The following FRYL variants were observed in gnomAD, a reference collection of about 807,000 sequenced individuals.
FRYL encodes FRY like transcription coactivator, also known as protein furry homolog-like.
A neutral mutation model predicts 351.2 loss-of-function variants in FRYL; 150 were observed. The observed-to-expected ratio is 0.43, with a 90% confidence interval of 0.37 to 0.49. The LOEUF is 0.49. Among genes scored for constraint, FRYL ranks in the 20% least tolerant of loss-of-function variants. The probability of loss-of-function intolerance (pLI) is 0.00; values close to 1 mark genes in which losing one functional copy is unlikely to be tolerated. For synonymous variants in FRYL, 1,153 were observed against 1,257.1 expected (o/e 0.92, Z 1.75); for missense variants, 3,036 against 3,619.3 (o/e 0.84, Z 4.13).
intron 3 of FRYL, among the ~76,000 whole-genome samples, chr4:48,663,751 G>A (rs1761237003): frequency 8.0e-6 from 1 of 124,660 alleles, no homozygotes; most frequent in Non-Finnish European, 1.6e-5. Flanking sequence ...CTGCAGCCTG[G>A]GCGACAGAGC....
At chr4:48,761,814 C>T (rs1774449391) in intron 1 of FRYL, among the ~76,000 whole-genome samples, 1 of 152,164 alleles carries the variant, frequency 6.6e-6, no homozygotes. Flanking sequence ...AGATGTGTAG[C>T]AGGCTGTACC....
Position 48,527,702 on chromosome 4 carries a change from A to C in FRYL, c.7141-49T>G, listed in dbSNP as rs114677188. On this transcript the variant is annotated intron_variant, in intron 52 of 63. Coordinates refer to ENST00000358350, the MANE Select transcript of FRYL (RefSeq NM_015030.2). ...AAAAAGTCCATCCATCAGATTTGTCACTCTGCGTATGAGGTATCAGTACCC... is the reference window on the plus strand; with the variant it reads ...AAAAAGTCCATCCATCAGATTTGTCCCTCTGCGTATGAGGTATCAGTACCC... 1,338 of 1,553,672 alleles carry C rather than the reference A, an allele frequency of 8.6e-4. 8 individuals are homozygous for C. The African/African-American group carries it at 0.016, about 19-fold the overall frequency.
Position 48,582,497 on chromosome 4 carries a change from C to T in FRYL, c.1986G>A (p.Gln662=). ...AGGACAATAGAAAAGAATCTGGTAC[C>T]TGAGTGTCCTGGTTTTTATTATGCA... The part of the protein sequence containing the change: ...AQMHNKNQDT[Q]HGVANGASHP... Residue 662 remains glutamine, a splice_region_variant and synonymous_variant, in exon 20 of 64, where the codon CAG becomes CAA. Transcript: ENST00000358350. The T allele has an allele frequency of 6.3e-7, 1 of 1,591,444 alleles. No individual in the cohort carries two copies.
intron 1 of FRYL, among the ~76,000 whole-genome samples, chr4:48,745,317 A>G (rs1008508240): frequency 1.2e-4 from 18 of 152,204 alleles, no homozygotes; most frequent in Admixed American, 2.6e-4. Context: ...TGTTTATTGC[A>G]GCACTATTCA....
At chr4:48,738,798 C>T (rs1268510224) in intron 1 of FRYL, among the ~76,000 whole-genome samples, 3 of 151,620 alleles carry the variant, frequency 2.0e-5, no homozygotes, top group Non-Finnish European at 4.4e-5. Context: ...GAGCCACCGC[C>T]CCCAGACAGG....
intron 1 of FRYL, among the ~76,000 whole-genome samples, chr4:48,778,626 T>C (rs551538388): frequency 6.6e-6 from 1 of 152,342 alleles, no homozygotes; most frequent in South Asian, 2.1e-4. Flanking sequence ...CTATCTCTGA[T>C]TTCCTCGGCA....
Position 48,499,334 on chromosome 4 carries a change from T to C in FRYL, c.*88A>G. 2 of 1,122,652 alleles carry C rather than the reference T, an allele frequency of 1.8e-6. No individual in the cohort carries two copies. The highest frequency in any genetic ancestry group is 1.6e-5 in the African/African-American group (1 of 64,212). The allele number at this position is 1,122,652 out of a possible 1,614,324, so 69.5% of individuals were successfully genotyped here. ...AAAAGTAGATGCTGCCAGAAAGTTA[T>C]CAGTGAATGCAAGGGTCCATAAAAG... On this transcript the variant is annotated 3_prime_UTR_variant, in exon 64 of 64. Transcript: ENST00000358350.
rs1408012163 is a variant in FRYL at position 48,500,900 on chromosome 4, A to G, written c.8593-680T>C. Among the ~76,000 whole-genome samples, 6 of 152,102 alleles carry G rather than the reference A, an allele frequency of 3.9e-5. No homozygotes were observed. In the South Asian group the frequency reaches 8.3e-4, roughly 21 times the overall value. ...GGAGTTTGAGACCAGCCTGGCCAACATGGTGAAACCCCGTCTCTACTAAAA... is the reference window on the plus strand; with the variant it reads ...GGAGTTTGAGACCAGCCTGGCCAACGTGGTGAAACCCCGTCTCTACTAAAA... On this transcript the variant is annotated intron_variant, in intron 62 of 63. Coordinates refer to ENST00000358350, the MANE Select transcript of FRYL (RefSeq NM_015030.2).
intron 3 of FRYL, among the ~76,000 whole-genome samples, chr4:48,671,891 A>AAAAAAAAAG (rs1762817692): frequency 7.0e-6 from 1 of 142,538 alleles, no homozygotes; most frequent in African/African-American, 2.6e-5. Flanking sequence ...AAAAAAAAAA[A>AAAAAAAAAG]GAAGGAAAGA....
At chr4:48,654,955 G>A (rs1758513535) in intron 3 of FRYL, among the ~76,000 whole-genome samples, 1 of 152,074 alleles carries the variant, frequency 6.6e-6, no homozygotes, top group Non-Finnish European at 1.5e-5. Context: ...TCCATATGTA[G>A]CAATACATTT....
At chr4:48,595,557 A>G in intron 15 of FRYL, 33 bp downstream of exon 15, 1 of 1,244,658 alleles carries the variant, frequency 8.0e-7, no homozygotes, top group Non-Finnish European at 1.1e-6. Context: ...CTAACAATTT[A>G]TATACATACA....
intron 2 of FRYL, among the ~76,000 whole-genome samples, chr4:48,700,601 A>G (rs1032080852): frequency 1.6e-4 from 24 of 152,146 alleles, no homozygotes; most frequent in African/African-American, 5.1e-4. Context: ...CAGGAGTTCA[A>G]GACCAGCCTG....
rs576530125 is a variant in FRYL, at chr4:48,631,991, T to C, written c.120+2300A>G. ...TTGCCTGAACCTGGGAGGTGAAGGT[T>C]GCAGTGAGCCAAAATTGCGCCACTG... On this transcript the variant is annotated intron_variant, in intron 4 of 63. Transcript: ENST00000358350. 5.1e-3 allele frequency among the ~76,000 whole-genome samples: 664 copies of C among 130,012 alleles called. 3 individuals are homozygous for C. Among genetic ancestry groups the C allele is most frequent in the South Asian group, 8.5e-3 (32 of 3,752 alleles). The allele number at this position is 130,012 out of a possible 152,430, so 85.3% of individuals were successfully genotyped here. A position where few individuals can be genotyped will look rare whatever the true frequency, so the allele number is the denominator to read the frequency against.
intron 13 of FRYL, among the ~76,000 whole-genome samples, chr4:48,601,609 T>A (rs1216983656): frequency 6.6e-6 from 1 of 152,188 alleles, no homozygotes; most frequent in Non-Finnish European, 1.5e-5. Flanking sequence ...TAAATGTGAT[T>A]TTAGTGATAT....
chr4:48,592,285 C>G (rs1196738990), intron 16 of FRYL, among the ~76,000 whole-genome samples: 1 of 151,744 alleles, frequency 6.6e-6, no homozygotes, highest in Non-Finnish European at 1.5e-5. Flanking sequence ...TACATTCTTT[C>G]AGTGTATTGC....
intron 4 of FRYL, among the ~76,000 whole-genome samples, chr4:48,626,297 T>C (rs1751806788): frequency 6.6e-6 from 1 of 151,406 alleles, no homozygotes; most frequent in African/African-American, 2.4e-5. Context: ...CGTATGCATA[T>C]GTTTATATTT....
In FRYL at chr4:48,718,045, G is replaced by A. The variant is rs193300670; in HGVS notation, c.-383-7347C>T. ...CCAGATTACTGGCAATCCTAAAACCGTAGACAAGCAACAAGTTCTGAGCTT... is the reference window on the plus strand; with the variant it reads ...CCAGATTACTGGCAATCCTAAAACCATAGACAAGCAACAAGTTCTGAGCTT... On this transcript the variant is annotated intron_variant, in intron 1 of 63. Coordinates refer to ENST00000358350, the MANE Select transcript of FRYL (RefSeq NM_015030.2). Among the ~76,000 whole-genome samples the A allele has an allele frequency of 2.3e-4, 35 of 151,704 alleles. 1 individual carries two copies. Among genetic ancestry groups the A allele is most frequent in the South Asian group, 4.2e-4 (2 of 4,796 alleles).
intron 3 of FRYL, among the ~76,000 whole-genome samples, chr4:48,669,147 C>T (rs1229403754): frequency 6.6e-6 from 1 of 152,094 alleles, no homozygotes; most frequent in African/African-American, 2.4e-5. Context: ...CTTATCAATA[C>T]ATTTTTCTTA....
At chr4:48,767,466 C>A (rs1471321970) in intron 1 of FRYL, among the ~76,000 whole-genome samples, 1 of 152,132 alleles carries the variant, frequency 6.6e-6, no homozygotes, top group African/African-American at 2.4e-5. Flanking sequence ...ACACACACAA[C>A]AGAATATTAT....
Sources: allele counts gnomAD v4.1 joint callset (sites outside exome capture counted in the v4.1 genomes callset), GRCh38; gene constraint gnomAD v4.1.1; transcripts MANE v1.5; gene names NCBI Gene and HGNC (gene_info 2026-07-23, HGNC 2026-07-21).